Variants in MTREX observed in about 807,000 individuals in gnomAD.
MTREX encodes Mtr4 exosome RNA helicase.
A neutral mutation model predicts 135.4 loss-of-function variants in MTREX; 76 were observed. The ratio of observed to expected loss-of-function variants is 0.56; its 90% CI spans 0.47 to 0.68. MTREX has a LOEUF of 0.68. Among genes scored for constraint, MTREX ranks in the 30% least tolerant of loss-of-function variants. The pLI is 0.00. For missense variants in MTREX, 920 were observed against 1,262.1 expected (o/e 0.73, Z 4.11); for synonymous variants, 404 against 401.6 (o/e 1.01, Z -0.07).
chr5:55,349,616 T>G lies in MTREX; in HGVS notation c.1284T>G (p.Ile428Met). 2 of 1,605,428 alleles carry G rather than the reference T, an allele frequency of 1.2e-6. No individual in the cohort carries two copies. Among genetic ancestry groups the G allele is most frequent in the Non-Finnish European group, 1.7e-6 (2 of 1,172,422 alleles). ...KMVEEVFSNA[I>M]DCLSDEDKKL... ...TTGAAGAAGTATTCAGTAATGCAAT[T>G]GATTGCTTATCCGATGAAGATAAAA... Residue 428 changes from isoleucine (I) to methionine (M), a missense_variant, in exon 12 of 27, where the codon ATT (isoleucine) becomes ATG (methionine). By Grantham distance (10) the Ile-to-Met change is conservative (BLOSUM62 1). This residue lies in a region of MTREX where 101 missense variants were observed against 119.1 expected (regional missense o/e 0.85). Coordinates refer to ENST00000230640, the MANE Select transcript of MTREX (RefSeq NM_015360.5).
At chr5:55,387,952 C>T in intron 18 of MTREX, 22 bp from the exon 19 acceptor site, 1 of 1,554,376 alleles carries the variant, frequency 6.4e-7, no homozygotes, top group Non-Finnish European at 8.8e-7. Flanking sequence ...AATGAATGAA[C>T]ATCTTCTGTT....
At position 55,308,081 on chromosome 5, in the gene MTREX, C is replaced by G; in HGVS notation, c.68C>G (p.Thr23Ser). 1 of 1,613,134 alleles carries G rather than the reference C, an allele frequency of 6.2e-7. No homozygotes were observed. Among genetic ancestry groups the G allele is most frequent in the Admixed American group, 1.7e-5 (1 of 59,830 alleles). ...GGCGACTCGACCACTGCGGCGGGAACCAAAAAAGACAAGGAAAAGGACAAG... is the reference window on the plus strand; with the variant it reads ...GGCGACTCGACCACTGCGGCGGGAAGCAAAAAAGACAAGGAAAAGGACAAG... ...FEGDSTTAAG[T>S]KKDKEKDKGK... The change falls in exon 1 of 27, where the codon ACC (threonine) becomes AGC (serine). Residue 23 changes from threonine (T) to serine (S), a missense_variant. By Grantham distance (58) the Thr-to-Ser change is moderately conservative. This residue lies in a region of MTREX where 136 missense variants were observed against 126.7 expected (regional missense o/e 1.07). Transcript: ENST00000230640.
chr5:55,368,325 C>G (rs1397675067), intron 16 of MTREX, among the ~76,000 whole-genome samples: 1 of 152,028 alleles, frequency 6.6e-6, no homozygotes, highest in Non-Finnish European at 1.5e-5. Context: ...GTGGTGGGCA[C>G]CTGTAATCCC....
At chr5:55,346,412 T>G (rs1051427441) in intron 10 of MTREX, among the ~76,000 whole-genome samples, 5 of 152,202 alleles carry the variant, frequency 3.3e-5, no homozygotes, top group African/African-American at 1.2e-4. Context: ...TGAAACAGAT[T>G]ATGTATTTTG....
intron 25 of MTREX, among the ~76,000 whole-genome samples, chr5:55,417,045 G>A (rs1750976842): frequency 1.3e-5 from 2 of 151,976 alleles, no homozygotes; most frequent in South Asian, 4.2e-4. Flanking sequence ...TTAAACTGAG[G>A]GCCTTTACTA....
chr5:55,416,000 G>T lies in MTREX; in HGVS notation c.2839G>T (p.Ala947Ser). Reference sequence around the variant, plus strand: ...TGCTAAAAGAATTGCAAAAGTTTCAGCAGAAGCCAAATTGGAAATTGATGA... The same window carrying T: ...TGCTAAAAGAATTGCAAAAGTTTCATCAGAAGCCAAATTGGAAATTGATGA... ...ECAKRIAKVSAEAKLEIDEET... is the reference protein window; with the variant it reads ...ECAKRIAKVSSEAKLEIDEET... The change falls in exon 25 of 27, where the codon GCA becomes TCA. Residue 947 changes from alanine (A) to serine (S), a missense_variant. Physicochemically the swap from Ala to Ser is moderately conservative, Grantham distance 99. Around this residue, in one of 6 missense-constraint regions of MTREX, gnomAD observed 467 missense variants for 589.7 expected, o/e 0.79. Transcript: ENST00000230640. 1 of 1,591,458 alleles carries T rather than the reference G, an allele frequency of 6.3e-7. No individual in the cohort carries two copies. The highest frequency in any genetic ancestry group is 8.5e-7 in the Non-Finnish European group (1 of 1,172,878).
At chr5:55,329,713 T>G (rs562777794) in intron 5 of MTREX, among the ~76,000 whole-genome samples, 2 of 152,224 alleles carry the variant, frequency 1.3e-5, no homozygotes, top group South Asian at 4.1e-4. Flanking sequence ...CCTTTTGACT[T>G]GCATAGTTTA....
At chr5:55,372,607 A>G (rs1750221673) in intron 16 of MTREX, among the ~76,000 whole-genome samples, 1 of 152,184 alleles carries the variant, frequency 6.6e-6, no homozygotes, top group African/African-American at 2.4e-5. Context: ...AGTGGAGTAG[A>G]ATTGTGAGTC....
chr5:55,331,305 T>G (rs1266527385), intron 5 of MTREX, among the ~76,000 whole-genome samples: 1 of 152,238 alleles, frequency 6.6e-6, no homozygotes, highest in Non-Finnish European at 1.5e-5. Context: ...TTTTGCATTT[T>G]TGTACATATT....
chr5:55,388,035 A>G lies in MTREX; in HGVS notation c.2114A>G (p.Glu705Gly), dbSNP rs1750506673. ...VVEVLLRCSKESLKNSATEAA... is the reference protein window; with the variant it reads ...VVEVLLRCSKGSLKNSATEAA... ...GAAGTACTTCTGCGCTGTAGCAAAG[A>G]GAGCTTGAAAAATTCAGCTACAGAA... Residue 705 changes from glutamate to glycine, a missense_variant, in exon 19 of 27, where the codon GAG becomes GGG. By Grantham distance (98) the Glu-to-Gly change is moderately conservative (BLOSUM62 -2). This residue lies in a region of MTREX where 467 missense variants were observed against 589.7 expected (regional missense o/e 0.79). Transcript: ENST00000230640. The G allele has an allele frequency of 6.2e-7, 1 of 1,609,628 alleles. No individual in the cohort carries two copies. Among genetic ancestry groups the G allele is most frequent in the Non-Finnish European group, 8.5e-7 (1 of 1,176,820 alleles).
chr5:55,355,979 A>G (rs1749905902), intron 14 of MTREX, among the ~76,000 whole-genome samples: 1 of 152,236 alleles, frequency 6.6e-6, no homozygotes, highest in Non-Finnish European at 1.5e-5. Context: ...TCAAAGGGTT[A>G]GGGAGACAGT....
At chr5:55,322,749 C>T (rs950509804) in intron 2 of MTREX, among the ~76,000 whole-genome samples, 10 of 151,982 alleles carry the variant, frequency 6.6e-5, no homozygotes, top group Admixed American at 5.9e-4. Flanking sequence ...TTTGTAATGC[C>T]TCAGGAGGAG....
At chr5:55,321,620 T>C (rs969135109) in intron 1 of MTREX, among the ~76,000 whole-genome samples, 1 of 149,968 alleles carries the variant, frequency 6.7e-6, no homozygotes, top group South Asian at 2.1e-4. Context: ...TTTTTTTTTT[T>C]TTTTTCCTGA....
chr5:55,358,711 A>C lies in MTREX; in HGVS notation c.1659+13A>C, dbSNP rs778198105. Reference sequence around the variant, plus strand: ...ACAATTACTTAAGGTAACTACATTAAGATTGTGTACCTTTACCAAGAATTC... The same window carrying C: ...ACAATTACTTAAGGTAACTACATTACGATTGTGTACCTTTACCAAGAATTC... On this transcript the variant is annotated intron_variant, in intron 15 of 26. Transcript: ENST00000230640. The C allele has an allele frequency of 3.2e-6, 5 of 1,581,636 alleles. No homozygotes were observed. Among genetic ancestry groups the C allele is most frequent in the Non-Finnish European group, 3.4e-6 (4 of 1,170,880 alleles).
At chr5:55,371,790 T>C (rs1750207676) in intron 16 of MTREX, among the ~76,000 whole-genome samples, 1 of 152,080 alleles carries the variant, frequency 6.6e-6, no homozygotes, top group Non-Finnish European at 1.5e-5. Context: ...AACTGATTTT[T>C]GTTTGTTTAA....
At chr5:55,351,820 A>G (rs956369581) in intron 13 of MTREX, among the ~76,000 whole-genome samples, 1 of 151,806 alleles carries the variant, frequency 6.6e-6, no homozygotes, top group Non-Finnish European at 1.5e-5. Context: ...AAATGTAATC[A>G]TAAGTCTATA....
intron 11 of MTREX, among the ~76,000 whole-genome samples, chr5:55,348,326 A>G (rs1749772535): frequency 2.0e-5 from 3 of 152,144 alleles, no homozygotes; most frequent in Admixed American, 6.5e-5. Context: ...GCATTAATCC[A>G]TTCATGAGGA....
chr5:55,349,336 G>A (rs1051910178), intron 11 of MTREX, among the ~76,000 whole-genome samples: 1 of 151,822 alleles, frequency 6.6e-6, no homozygotes, highest in Non-Finnish European at 1.5e-5. Context: ...ACAGGTGCAC[G>A]CCGCAATGCC....
chr5:55,415,849 C>A, intron 24 of MTREX, 121 bp from the exon 25 acceptor site: 1 of 612,330 alleles, frequency 1.6e-6, no homozygotes, highest in Non-Finnish European at 2.7e-6. Context: ...AGAATGTCCA[C>A]ATTGCAGACA....
Sources: gnomAD v4.1 joint callset for allele counts (sites outside exome capture counted in the v4.1 genomes callset) on GRCh38, gnomAD v4.1.1 for gene constraint, gnomAD v4.1.1 regional missense constraint, MANE v1.5 for transcripts, NCBI Gene and HGNC (gene_info 2026-07-23, HGNC 2026-07-21) for gene names.